The following PCSK2 variants were observed in gnomAD, a reference collection of about 807,000 sequenced individuals.
PCSK2 encodes the protein neuroendocrine convertase 2.
Under a neutral mutation model 69.7 loss-of-function variants are expected in PCSK2, and 14 were observed. That is an observed-to-expected ratio of 0.20 (90% CI 0.13 to 0.31). The LOEUF is 0.31. PCSK2 is among the 10% of genes least tolerant of loss of function. The probability of loss-of-function intolerance (pLI) is 1.00; values close to 1 mark genes in which losing one functional copy is unlikely to be tolerated. For missense variants in PCSK2, 544 were observed against 842.5 expected, an observed-to-expected ratio of 0.65 and a Z score of 4.39; for synonymous variants, 307 against 320.7, an observed-to-expected ratio of 0.96 and a Z score of 0.46.
chr20:17,256,628 T>C (rs970759165), intron 1 of PCSK2, among the ~76,000 whole-genome samples: 3 of 151,892 alleles, frequency 2.0e-5, no homozygotes, highest in Non-Finnish European at 4.4e-5. Context: ...TTTTTTTTCT[T>C]TTTTTTTAAT....
intron 1 of PCSK2, among the ~76,000 whole-genome samples, chr20:17,230,057 A>G (rs1202048663): frequency 6.6e-6 from 1 of 152,136 alleles, no homozygotes; most frequent in Non-Finnish European, 1.5e-5. Context: ...CTTGAAGGAA[A>G]CTTCCTTGTC....
chr20:17,321,230 C>G (rs1423769568), intron 2 of PCSK2, among the ~76,000 whole-genome samples: 4 of 152,180 alleles, frequency 2.6e-5, no homozygotes. Context: ...AAAACTGTGA[C>G]CTTGGCCAAG....
At chr20:17,371,819 A>G (rs554895426) in intron 5 of PCSK2, among the ~76,000 whole-genome samples, 5 of 152,276 alleles carry the variant, frequency 3.3e-5, no homozygotes, top group African/African-American at 1.2e-4. Context: ...CTGATCTCCA[A>G]TTGTTGAACA....
intron 6 of PCSK2, among the ~76,000 whole-genome samples, chr20:17,420,250 C>T (rs1332942378): frequency 1.3e-5 from 2 of 152,202 alleles, no homozygotes. Context: ...AAGCTGATAC[C>T]TTACCCTGGT....
chr20:17,465,528 G>A lies in PCSK2; in HGVS notation c.1405G>A (p.Val469Met). Reference protein sequence around the residue: ...WKTVPERFHCVGGSVQDPEKI... With the variant: ...WKTVPERFHCMGGSVQDPEKI... ...AACCGTGCCTGAGAGATTCCACTGT[G>A]TGGGAGGCTCCGTGCAGGACCCTGA... The change falls in exon 11 of 12, where the codon GTG (valine) becomes ATG (methionine). Residue 469 changes from valine (V) to methionine (M), a missense_variant. This residue lies in a region of PCSK2 where 200 missense variants were observed against 287.8 expected (regional missense o/e 0.69). Transcript: ENST00000262545. The A allele has an allele frequency of 1.9e-6, 3 of 1,605,794 alleles. No individual in the cohort carries two copies. The highest frequency in any genetic ancestry group is 2.6e-6 in the Non-Finnish European group (3 of 1,175,376).
At chr20:17,402,935 C>T (rs879373843) in intron 5 of PCSK2, among the ~76,000 whole-genome samples, 5 of 151,078 alleles carry the variant, frequency 3.3e-5, no homozygotes, top group Non-Finnish European at 7.4e-5. Context: ...CCAGCCTGGG[C>T]GACAGAGCGA....
In PCSK2 at chr20:17,248,175, G is replaced by GGTGTGTGTGTGT. The variant is rs10640964; in HGVS notation, c.178-12036_178-12025dup. 1.9e-3 allele frequency among the ~76,000 whole-genome samples: 280 copies of GGTGTGTGTGTGT among 144,472 alleles called. 4 individuals are homozygous for GGTGTGTGTGTGT. Among genetic ancestry groups the GGTGTGTGTGTGT allele is most frequent in the African/African-American group, 6.5e-3 (253 of 38,866 alleles). The allele number at this position is 144,472 out of a possible 152,430, so 94.8% of individuals were successfully genotyped here. On this transcript the variant is annotated intron_variant, in intron 1 of 11. Coordinates refer to ENST00000262545, the MANE Select transcript of PCSK2 (RefSeq NM_002594.5). ...AGAACAAAGTGATGATATAAAAAAG[G>GGTGTGTGTGTGT]GTGTGTGTGTGTGTGTGTGTGTGTG...
At chr20:17,375,261 T>G (rs895990811) in intron 5 of PCSK2, among the ~76,000 whole-genome samples, 2 of 152,108 alleles carry the variant, frequency 1.3e-5, no homozygotes, top group African/African-American at 4.8e-5. Context: ...GACCTCCCAG[T>G]GAGCTTAGGG....
intron 5 of PCSK2, among the ~76,000 whole-genome samples, chr20:17,374,875 A>C (rs781529308): frequency 5.3e-5 from 8 of 152,122 alleles, no homozygotes; most frequent in Non-Finnish European, 1.2e-4. Flanking sequence ...TCTTCAGCAG[A>C]GTTGCATGTG....
chr20:17,482,081 C>T lies in PCSK2; in HGVS notation c.*11C>T, dbSNP rs759212601. The T allele has an allele frequency of 6.5e-7, 1 of 1,541,628 alleles. No homozygotes were observed. The highest frequency in any genetic ancestry group is 1.3e-5 in the South Asian group (1 of 79,170). On this transcript the variant is annotated 3_prime_UTR_variant, in exon 12 of 12. Coordinates refer to ENST00000262545, the MANE Select transcript of PCSK2 (RefSeq NM_002594.5). ...CTTAACAAGAACTAGCGCTGCACATCCGCCTTTCCCACCGCCCTCCCTCCC... is the reference window on the plus strand; with the variant it reads ...CTTAACAAGAACTAGCGCTGCACATTCGCCTTTCCCACCGCCCTCCCTCCC...
chr20:17,274,931 C>T (rs1283547520), intron 2 of PCSK2, among the ~76,000 whole-genome samples: 1 of 151,922 alleles, frequency 6.6e-6, no homozygotes, highest in East Asian at 1.9e-4. Flanking sequence ...ACAGCATAGT[C>T]ACATTGTGTT....
chr20:17,434,337 C>A (rs1382843340), intron 7 of PCSK2, among the ~76,000 whole-genome samples: 17 of 150,630 alleles, frequency 1.1e-4, no homozygotes, highest in Non-Finnish European at 2.1e-4. Flanking sequence ...GAGGCCTTCC[C>A]TAAAAACCCT....
At chr20:17,466,208 T>A (rs1236137685) in intron 11 of PCSK2, among the ~76,000 whole-genome samples, 1 of 152,152 alleles carries the variant, frequency 6.6e-6, no homozygotes, top group Admixed American at 6.5e-5. Flanking sequence ...GCCATTAACA[T>A]CCCCATGCCA....
At chr20:17,395,170 T>C (rs2031482614) in intron 5 of PCSK2, among the ~76,000 whole-genome samples, 2 of 152,228 alleles carry the variant, frequency 1.3e-5, no homozygotes, top group Non-Finnish European at 2.9e-5. Flanking sequence ...TTAGCAATGT[T>C]ATCCTAAAAA....
intron 1 of PCSK2, among the ~76,000 whole-genome samples, chr20:17,237,754 T>C (rs865788571): frequency 9.2e-5 from 14 of 151,928 alleles, no homozygotes; most frequent in African/African-American, 2.9e-4. Context: ...AGTGGGGAAT[T>C]GAGATAAGGA....
intron 2 of PCSK2, among the ~76,000 whole-genome samples, chr20:17,271,665 G>T (rs1214955543): frequency 6.6e-6 from 1 of 152,074 alleles, no homozygotes; most frequent in African/African-American, 2.4e-5. Flanking sequence ...GGAGGAAGCG[G>T]ATTCTTATTC....
intron 2 of PCSK2, among the ~76,000 whole-genome samples, chr20:17,277,434 T>A (rs1386624674): frequency 6.6e-6 from 1 of 152,192 alleles, no homozygotes; most frequent in East Asian, 1.9e-4. Context: ...AACTATCTGA[T>A]CTTTGACAAA....
chr20:17,347,889 A>AG (rs1568612282), intron 2 of PCSK2, among the ~76,000 whole-genome samples: 547 of 6,814 alleles, frequency 0.08, 33 homozygotes, highest in Middle Eastern at 0.5. Flanking sequence ...AGAAAGAAAG[A>AG]AAGAAAGAAA....
intron 2 of PCSK2, among the ~76,000 whole-genome samples, chr20:17,264,433 G>T (rs1987513362): frequency 6.6e-6 from 1 of 152,148 alleles, no homozygotes; most frequent in African/African-American, 2.4e-5. Flanking sequence ...AAGAATGGAT[G>T]ATATTTCCTT....
Sources: allele counts gnomAD v4.1 joint callset (sites outside exome capture counted in the v4.1 genomes callset), GRCh38; gene constraint gnomAD v4.1.1; regional missense constraint gnomAD v4.1.1; transcripts MANE v1.5; gene names NCBI Gene and HGNC (gene_info 2026-07-23, HGNC 2026-07-21).